The following FBN2 variants were observed in gnomAD, a reference collection of about 807,000 sequenced individuals.
FBN2 encodes fibrillin 2, also known as fibrillin-2.
A neutral mutation model predicts 355.6 loss-of-function variants in FBN2; 105 were observed. The ratio of observed to expected loss-of-function variants is 0.30; its 90% confidence interval spans 0.25 to 0.35. FBN2 has a LOEUF of 0.35. FBN2 is among the 10% of genes least tolerant of loss of function. FBN2 has a pLI of 1.00. For synonymous variants in FBN2, 1,350 were observed against 1,301.2 expected (o/e 1.04, Z -0.81); for missense variants, 3,280 against 3,758.7 (o/e 0.87, Z 3.33).
chr5:128,374,786 G>A (rs771924378), intron 14 of FBN2, 36 bp from the exon 15 acceptor site: 1 of 1,612,818 alleles, frequency 6.2e-7, no homozygotes, highest in South Asian at 1.1e-5. Flanking sequence ...GCAGTTACTG[G>A]GTAAATTTAA....
At chr5:128,535,582 G>A (rs146617236) in intron 2 of FBN2, among the ~76,000 whole-genome samples, 2 of 152,240 alleles carry the variant, frequency 1.3e-5, no homozygotes, top group Non-Finnish European at 2.9e-5. Context: ...CAAATTTACA[G>A]GCATATGAAA....
At chr5:128,429,772 T>C (rs1468363670) in intron 7 of FBN2, among the ~76,000 whole-genome samples, 1 of 152,168 alleles carries the variant, frequency 6.6e-6, no homozygotes, top group African/African-American at 2.4e-5. Context: ...AGAAAAACAT[T>C]CCATGTGGGA....
chr5:128,283,327 C>T (rs963882462), intron 55 of FBN2, among the ~76,000 whole-genome samples: 7 of 152,192 alleles, frequency 4.6e-5, no homozygotes, highest in African/African-American at 9.7e-5. Flanking sequence ...TGATCCATGG[C>T]GATAAATTCC....
At chr5:128,272,188 A>C in intron 61 of FBN2, 70 bp from the exon 62 acceptor site, 3 of 1,554,692 alleles carry the variant, frequency 1.9e-6, no homozygotes, top group Non-Finnish European at 2.7e-6. Context: ...ACTCCAAACG[A>C]AACCTGGGGT....
At position 128,377,827 on chromosome 5, in the gene FBN2, C is replaced by A. The variant is rs762427107; in HGVS notation, c.1774G>T (p.Val592Leu). Reference protein sequence around the residue: ...NGVLCKNGRCVNTDGSFQCIC... With the variant: ...NGVLCKNGRCLNTDGSFQCIC... Reference sequence around the variant, plus strand: ...CACTGGAAACTTCCATCTGTGTTCACGCATCGACCGTTTTTACAAAGAACC... The same window carrying A: ...CACTGGAAACTTCCATCTGTGTTCAAGCATCGACCGTTTTTACAAAGAACC... The change falls in exon 13 of 65, where the codon GTG becomes TTG. Residue 592 changes from valine (V) to leucine (L), a missense_variant. Coordinates refer to ENST00000262464, the MANE Select transcript of FBN2 (RefSeq NM_001999.4). 2 of 1,613,380 alleles carry A rather than the reference C, an allele frequency of 1.2e-6. No homozygotes were observed. The highest frequency in any genetic ancestry group is 1.3e-5 in the African/African-American group (1 of 74,884).
At chr5:128,310,593 G>A (rs1039409593) in intron 39 of FBN2, among the ~76,000 whole-genome samples, 1 of 151,934 alleles carries the variant, frequency 6.6e-6, no homozygotes, top group Admixed American at 6.6e-5. Flanking sequence ...CAGTGCAGCT[G>A]CTGGTTGTTC....
intron 5 of FBN2, among the ~76,000 whole-genome samples, chr5:128,509,484 A>G (rs1308504321): frequency 6.6e-6 from 1 of 152,170 alleles, no homozygotes; most frequent in African/African-American, 2.4e-5. Flanking sequence ...CTTTAGGGAC[A>G]TAAGGAATAC....
chr5:128,526,487 C>G (rs146499317), intron 4 of FBN2, among the ~76,000 whole-genome samples: 1 of 152,190 alleles, frequency 6.6e-6, no homozygotes, highest in Non-Finnish European at 1.5e-5. Flanking sequence ...ACTCAAATGT[C>G]CATCAACAGA....
chr5:128,519,417 A>C, intron 4 of FBN2, 49 bp from the exon 5 acceptor site: 1 of 1,387,864 alleles, frequency 7.2e-7, no homozygotes, highest in Non-Finnish European at 1.0e-6. Context: ...GTCTCCAAGC[A>C]CAATATAGTA....
At chr5:128,323,255 C>T (rs1254141924) in intron 34 of FBN2, among the ~76,000 whole-genome samples, 1 of 152,204 alleles carries the variant, frequency 6.6e-6, no homozygotes, top group African/African-American at 2.4e-5. Context: ...TTATTTCTTT[C>T]TCTTGCCTGA....
Position 128,272,909 on chromosome 5 carries a change from C to T in FBN2, c.7841-791G>A, listed in dbSNP as rs73341392. Among the ~76,000 whole-genome samples the T allele has an allele frequency of 3.2e-3, 494 of 152,104 alleles. 2 individuals carry two copies. The highest frequency in any genetic ancestry group is 0.011 in the African/African-American group (471 of 41,508). On this transcript the variant is annotated intron_variant, in intron 61 of 64. Transcript: ENST00000262464. ...GTTAAGAATACTTTCAACGTCTCAA[C>T]GATTTGAAAGATAAAATATTAAAAT...
At chr5:128,292,322 G>C (rs544841900) in intron 48 of FBN2, among the ~76,000 whole-genome samples, 2 of 150,752 alleles carry the variant, frequency 1.3e-5, no homozygotes, top group Non-Finnish European at 2.9e-5. Context: ...AAATAAATAA[G>C]CATGCCTGCC....
At chr5:128,426,244 T>A (rs1753479330) in intron 7 of FBN2, among the ~76,000 whole-genome samples, 1 of 152,178 alleles carries the variant, frequency 6.6e-6, no homozygotes, top group Non-Finnish European at 1.5e-5. Flanking sequence ...ACATTACACA[T>A]CTGGACAATT....
At chr5:128,406,866 G>C (rs1420196790) in intron 8 of FBN2, among the ~76,000 whole-genome samples, 2 of 152,180 alleles carry the variant, frequency 1.3e-5, no homozygotes, top group Admixed American at 1.3e-4. Context: ...AGTATTAAAT[G>C]AATCAAACTT....
At chr5:128,378,655 T>C in intron 12 of FBN2, 116 bp downstream of exon 12, 2 of 1,113,874 alleles carry the variant, frequency 1.8e-6, no homozygotes, top group Admixed American at 1.8e-5. Context: ...CAAATAAATC[T>C]GTAATAATGT....
At chr5:128,286,459 A>C (rs1468018024) in intron 55 of FBN2, among the ~76,000 whole-genome samples, 1 of 152,232 alleles carries the variant, frequency 6.6e-6, no homozygotes. Context: ...TACCTACAGA[A>C]CACATATAGT....
At chr5:128,367,510 A>G (rs926462367) in intron 16 of FBN2, among the ~76,000 whole-genome samples, 1 of 152,126 alleles carries the variant, frequency 6.6e-6, no homozygotes, top group Non-Finnish European at 1.5e-5. Flanking sequence ...ATAAATAAAA[A>G]TATTTTTCCA....
intron 5 of FBN2, among the ~76,000 whole-genome samples, chr5:128,500,175 A>G (rs1384624123): frequency 2.0e-5 from 3 of 152,010 alleles, no homozygotes; most frequent in Admixed American, 2.0e-4. Flanking sequence ...AATTCCTGGA[A>G]AATACAGTAG....
intron 27 of FBN2, 121 bp downstream of exon 27, chr5:128,337,876 A>C (rs1750887996): frequency 9.2e-7 from 1 of 1,089,030 alleles, no homozygotes; most frequent in South Asian, 1.3e-5. Context: ...AGGGAATCTC[A>C]ATTTCCACCT....
Sources: gnomAD v4.1 joint callset for allele counts (sites outside exome capture counted in the v4.1 genomes callset) on GRCh38, gnomAD v4.1.1 for gene constraint, MANE v1.5 for transcripts, NCBI Gene and HGNC (gene_info 2026-07-23, HGNC 2026-07-21) for gene names.